KCNK2: variants seen among roughly 807,000 people sequenced by gnomAD.
KCNK2 encodes the protein potassium two pore domain channel subfamily K member 2.
Under a neutral mutation model 40.5 loss-of-function variants are expected in KCNK2, and 21 were observed. The observed-to-expected ratio is 0.52, with a 90% CI of 0.37 to 0.75. KCNK2 has a LOEUF of 0.75. KCNK2 is among the 30% of genes least tolerant of loss of function. The pLI is 0.00. For synonymous variants in KCNK2, 191 were observed against 202.2 expected (o/e 0.94, Z 0.47); for missense variants, 399 against 531.6 (o/e 0.75, Z 2.45).
intron 2 of KCNK2, among the ~76,000 whole-genome samples, chr1:215,122,293 G>A (rs1376810085): frequency 6.6e-6 from 1 of 151,868 alleles, no homozygotes; most frequent in Non-Finnish European, 1.5e-5. Flanking sequence ...ATATTTCAAT[G>A]GAAATGTGTT....
intron 1 of KCNK2, among the ~76,000 whole-genome samples, chr1:215,054,189 T>C (rs2102501760): frequency 6.6e-6 from 1 of 152,354 alleles, no homozygotes; most frequent in East Asian, 1.9e-4. Flanking sequence ...TGATTGCCGA[T>C]ATTTCCCTTA....
At chr1:215,129,546 G>A (rs1355597127) in intron 3 of KCNK2, among the ~76,000 whole-genome samples, 2 of 152,138 alleles carry the variant, frequency 1.3e-5, no homozygotes, top group Admixed American at 6.5e-5. Flanking sequence ...TGACATTTAA[G>A]CTGAACCCTG....
Position 215,235,111 on chromosome 1 carries a change from G to C in KCNK2, c.1247G>C (p.Gly416Ala). 1 of 1,602,898 alleles carries C rather than the reference G, an allele frequency of 6.2e-7. No individual in the cohort carries two copies. Among genetic ancestry groups the C allele is most frequent in the Non-Finnish European group, 8.5e-7 (1 of 1,170,634 alleles). Residue 416 changes from glycine (G) to alanine (A), a missense_variant, in exon 7 of 7, where the codon GGT becomes GCT. Transcript: ENST00000444842. The part of the protein sequence containing the change: ...YLNGLTPHCA[G>A]EEIAVIENIK ...AATGGTTTGACGCCACACTGTGCTGGTGAAGAGATTGCTGTGATTGAGAAC... is the reference window on the plus strand; with the variant it reads ...AATGGTTTGACGCCACACTGTGCTGCTGAAGAGATTGCTGTGATTGAGAAC...
chr1:215,007,131 G>A (rs1258717806), intron 1 of KCNK2, among the ~76,000 whole-genome samples: 5 of 114,926 alleles, frequency 4.4e-5, no homozygotes, highest in African/African-American at 2.0e-4. Context: ...GTATATATAT[G>A]TGTATATATA....
At chr1:215,177,931 A>C (rs1664056053) in intron 5 of KCNK2, among the ~76,000 whole-genome samples, 1 of 151,448 alleles carries the variant, frequency 6.6e-6, no homozygotes, top group Non-Finnish European at 1.5e-5. Flanking sequence ...TTGGTAGCTT[A>C]ATAGAAATAG....
At chr1:215,014,506 T>C (rs1656516574) in intron 1 of KCNK2, among the ~76,000 whole-genome samples, 1 of 151,794 alleles carries the variant, frequency 6.6e-6, no homozygotes, top group South Asian at 2.1e-4. Context: ...AGAGAGAAAT[T>C]AGTGATCAGC....
chr1:215,111,956 T>C (rs1264380695), intron 2 of KCNK2, among the ~76,000 whole-genome samples: 2 of 151,098 alleles, frequency 1.3e-5, no homozygotes, highest in African/African-American at 4.9e-5. Flanking sequence ...TTTATAGTTG[T>C]GCGTTCTCTG....
intron 1 of KCNK2, among the ~76,000 whole-genome samples, chr1:215,064,328 T>G (rs912837056): frequency 1.3e-5 from 2 of 151,906 alleles, no homozygotes; most frequent in Non-Finnish European, 2.9e-5. Context: ...TACGTGTTTT[T>G]GTTTGTGTGT....
At chr1:215,115,559 T>A (rs916104380) in intron 2 of KCNK2, among the ~76,000 whole-genome samples, 1 of 152,034 alleles carries the variant, frequency 6.6e-6, no homozygotes, top group Admixed American at 6.6e-5. Flanking sequence ...CCTACTCAAA[T>A]CCTATTTTAA....
chr1:215,168,173 A>T (rs1212245793), intron 3 of KCNK2, among the ~76,000 whole-genome samples: 1 of 152,216 alleles, frequency 6.6e-6, no homozygotes, highest in African/African-American at 2.4e-5. Flanking sequence ...ATACCAACTC[A>T]TGCTAGTCAG....
chr1:215,089,328 G>A (rs1045596259), intron 2 of KCNK2, among the ~76,000 whole-genome samples: 1 of 152,162 alleles, frequency 6.6e-6, no homozygotes, highest in Non-Finnish European at 1.5e-5. Flanking sequence ...TTTCAGTGCT[G>A]AGGGGGGAAA....
At chr1:215,158,144 T>A (rs966848504) in intron 3 of KCNK2, among the ~76,000 whole-genome samples, 1 of 152,196 alleles carries the variant, frequency 6.6e-6, no homozygotes, top group African/African-American at 2.4e-5. Context: ...CAGAGAATGT[T>A]CAGAGAAGGG....
intron 1 of KCNK2, among the ~76,000 whole-genome samples, chr1:215,039,615 T>C (rs895762978): frequency 2.0e-5 from 3 of 152,130 alleles, no homozygotes; most frequent in African/African-American, 7.2e-5. Flanking sequence ...AAGAGAACAC[T>C]TTATGACTTC....
At chr1:215,080,981 T>C (rs552773764), upstream of KCNK2, among the ~76,000 whole-genome samples, 7 of 152,248 alleles carry the variant, frequency 4.6e-5, no homozygotes, top group African/African-American at 1.7e-4. Flanking sequence ...TCACAAGCAA[T>C]TGTGAGCCAA....
intron 3 of KCNK2, among the ~76,000 whole-genome samples, chr1:215,163,451 C>G (rs1663298536): frequency 6.6e-6 from 1 of 152,128 alleles, no homozygotes; most frequent in African/African-American, 2.4e-5. Context: ...ACTTCCAATA[C>G]TGTGTTGAAT....
At chr1:215,225,150 T>A (rs1294404646) in intron 6 of KCNK2, among the ~76,000 whole-genome samples, 1 of 152,192 alleles carries the variant, frequency 6.6e-6, no homozygotes, top group African/African-American at 2.4e-5. Flanking sequence ...ATTGCTAAAA[T>A]CCATAGTTTC....
intron 1 of KCNK2, among the ~76,000 whole-genome samples, chr1:215,067,578 A>C (rs1166262989): frequency 6.6e-6 from 1 of 152,180 alleles, no homozygotes; most frequent in African/African-American, 2.4e-5. Flanking sequence ...AGTCATGGCA[A>C]AAAAATCATC....
At chr1:215,090,309 G>T (rs930727382) in intron 2 of KCNK2, among the ~76,000 whole-genome samples, 1 of 152,230 alleles carries the variant, frequency 6.6e-6, no homozygotes, top group South Asian at 2.1e-4. Context: ...AGTAAGGGGC[G>T]CTTCAGTTTC....
At chr1:215,097,903 T>C (rs1660048398) in intron 2 of KCNK2, among the ~76,000 whole-genome samples, 1 of 151,976 alleles carries the variant, frequency 6.6e-6, no homozygotes, top group Non-Finnish European at 1.5e-5. Flanking sequence ...TCTGAACTCA[T>C]AGGCATGGTT....
Sources: allele counts gnomAD v4.1 joint callset (sites outside exome capture counted in the v4.1 genomes callset), GRCh38; gene constraint gnomAD v4.1.1; transcripts MANE v1.5; gene names NCBI Gene and HGNC (gene_info 2026-07-23, HGNC 2026-07-21).